NAA15: variants seen among roughly 807,000 people sequenced by gnomAD.
NAA15 encodes the protein N-alpha-acetyltransferase 15, NatA auxiliary subunit, also known as N-terminal acetyltransferase.
A neutral mutation model predicts 114.0 loss-of-function variants in NAA15; 34 were observed. The observed-to-expected ratio is 0.30, with a 90% CI of 0.23 to 0.40. The LOEUF is 0.40. Among genes scored for constraint, NAA15 ranks in the 10% least tolerant of loss-of-function variants. The probability of loss-of-function intolerance (pLI) is 1.00; values close to 1 mark genes in which losing one functional copy is unlikely to be tolerated. For synonymous variants in NAA15, 340 were observed against 338.0 expected, an observed-to-expected ratio of 1.01 and a Z score of -0.06; for missense variants, 658 against 1,004.5, an observed-to-expected ratio of 0.66 and a Z score of 4.66.
chr4:139,322,647 T>G (rs1169167090), intron 1 of NAA15, among the ~76,000 whole-genome samples: 1 of 152,200 alleles, frequency 6.6e-6, no homozygotes, highest in Non-Finnish European at 1.5e-5. Context: ...TTCATAGACC[T>G]TTGCTGTGTA....
intron 14 of NAA15, among the ~76,000 whole-genome samples, chr4:139,367,285 T>G (rs992566670): frequency 2.0e-5 from 3 of 152,182 alleles, no homozygotes; most frequent in African/African-American, 7.2e-5. Flanking sequence ...ACTGGAATAA[T>G]TTTCTGTGGC....
At chr4:139,310,539 C>T (rs1470600140) in intron 1 of NAA15, among the ~76,000 whole-genome samples, 2 of 151,632 alleles carry the variant, frequency 1.3e-5, no homozygotes, top group Admixed American at 6.6e-5. Flanking sequence ...ATTTTCTCCC[C>T]CAGATACCTG....
At chr4:139,313,563 C>T (rs1333459006) in intron 1 of NAA15, among the ~76,000 whole-genome samples, 2 of 145,142 alleles carry the variant, frequency 1.4e-5, no homozygotes, top group Non-Finnish European at 1.5e-5. Flanking sequence ...TTTTTTGAGA[C>T]GGAGTTTCGC....
Position 139,344,274 on chromosome 4 carries a change from C to G in NAA15, c.626C>G (p.Ala209Gly). The G allele has an allele frequency of 3.1e-6, 5 of 1,613,060 alleles. No homozygotes were observed. The highest frequency in any genetic ancestry group is 4.2e-6 in the Non-Finnish European group (5 of 1,179,356). Residue 209 changes from alanine (A) to glycine (G), a missense_variant, in exon 6 of 20, where the codon GCT becomes GGT. Ala to Gly is a moderately conservative substitution (Grantham distance 60). Coordinates refer to ENST00000296543, the MANE Select transcript of NAA15 (RefSeq NM_057175.5). The stretch of plus-strand genomic sequence containing the variant: ...CGGGAAGCAGGTCTCTATAGAGAAG[C>G]TTTGGAACATCTTTGTACCTATGAA... ...VLREAGLYRE[A>G]LEHLCTYEKQ...
chr4:139,346,829 A>AT, intron 6 of NAA15, among the ~76,000 whole-genome samples: 1 of 152,120 alleles, frequency 6.6e-6, no homozygotes, highest in Non-Finnish European at 1.5e-5. Flanking sequence ...CCTAGGCAAA[A>AT]TTTTTTATTG....
At chr4:139,312,471 C>T (rs935674930) in intron 1 of NAA15, among the ~76,000 whole-genome samples, 1 of 151,712 alleles carries the variant, frequency 6.6e-6, no homozygotes, top group Non-Finnish European at 1.5e-5. Context: ...TTTTTTTCCT[C>T]CTAGGTAAGA....
At chr4:139,312,318 T>C (rs994723213) in intron 1 of NAA15, among the ~76,000 whole-genome samples, 1 of 151,922 alleles carries the variant, frequency 6.6e-6, no homozygotes, top group Admixed American at 6.6e-5. Context: ...AATTTTATGC[T>C]GTGGTTGTAT....
intron 1 of NAA15, among the ~76,000 whole-genome samples, chr4:139,330,629 A>T (rs1048435709): frequency 1.3e-5 from 2 of 152,176 alleles, no homozygotes; most frequent in Non-Finnish European, 2.9e-5. Context: ...AATCAACTCT[A>T]TCTTCAGGAT....
chr4:139,363,077 A>G (rs958963227), intron 14 of NAA15, among the ~76,000 whole-genome samples: 9 of 152,184 alleles, frequency 5.9e-5, no homozygotes, highest in African/African-American at 2.2e-4. Flanking sequence ...ATATCACTTG[A>G]ATCTCTTTCT....
In NAA15 at chr4:139,321,502, C is replaced by T. The variant is rs10032107; in HGVS notation, c.55-12672C>T. 1.5e-3 allele frequency among the ~76,000 whole-genome samples: 189 copies of T among 129,990 alleles called. 2 individuals carry two copies. Among genetic ancestry groups the T allele is most frequent in the African/African-American group, 5.4e-3 (181 of 33,280 alleles). The allele number at this position is 129,990 out of a possible 152,430, so 85.3% of individuals were successfully genotyped here. On this transcript the variant is annotated intron_variant, in intron 1 of 19. Coordinates refer to ENST00000296543, the MANE Select transcript of NAA15 (RefSeq NM_057175.5). ...TTTTTTTTTTTTTGAAACGGAGTCT[C>T]GCTTTGTTGCCCAGGCTGGAGTGCA...
At position 139,359,418 on chromosome 4, in the gene NAA15, C is replaced by T. The variant is rs560322483; in HGVS notation, c.1258-325C>T. Among the ~76,000 whole-genome samples, 34 of 152,244 alleles carry T rather than the reference C, an allele frequency of 2.2e-4. 1 individual carries two copies. In the South Asian group the frequency reaches 6.0e-3, roughly 27 times the overall value. On this transcript the variant is annotated intron_variant, in intron 11 of 19. Coordinates refer to ENST00000296543, the MANE Select transcript of NAA15 (RefSeq NM_057175.5). ...CTGGGATTACAGGCATGAGCTACAGCGCCCGGCCTTATTTATTCTTTAACA... is the reference window on the plus strand; with the variant it reads ...CTGGGATTACAGGCATGAGCTACAGTGCCCGGCCTTATTTATTCTTTAACA...
Position 139,335,030 on chromosome 4 carries a change from A to G in NAA15, c.139+772A>G, listed in dbSNP as rs565234226. ...AATGGAGATAAAAGTATTTAAATTT[A>G]TCTCTCTGCTGGGTGCTGGGGCTCA... On this transcript the variant is annotated intron_variant, in intron 2 of 19. Coordinates refer to ENST00000296543, the MANE Select transcript of NAA15 (RefSeq NM_057175.5). 2.7e-4 allele frequency among the ~76,000 whole-genome samples: 41 copies of G among 152,178 alleles called. 1 individual carries two copies. Among genetic ancestry groups the G allele is most frequent in the African/African-American group, 8.9e-4 (37 of 41,540 alleles).
At chr4:139,370,062 C>A in intron 14 of NAA15, 149 bp from the exon 15 acceptor site, 2 of 559,012 alleles carry the variant, frequency 3.6e-6, no homozygotes, top group Non-Finnish European at 5.5e-6. Flanking sequence ...ACCTTGGCCT[C>A]CCAAAGTGCT....
chr4:139,391,135 A>G lies in NAA15; in HGVS notation c.*3051A>G, dbSNP rs1418834487. On this transcript the variant is annotated 3_prime_UTR_variant, in exon 20 of 20. Coordinates refer to ENST00000296543, the MANE Select transcript of NAA15 (RefSeq NM_057175.5). ...TGAATCTTTGAGATTTCAAAGAAAG[A>G]CTGACCTTTCAAATAGAAGGCGGTC... is the stretch of plus-strand genomic sequence containing the variant. The G allele has an allele frequency of 2.0e-5, 3 of 152,232 alleles. No individual in the cohort carries two copies. Among genetic ancestry groups the G allele is most frequent in the African/African-American group, 7.2e-5 (3 of 41,460 alleles). The allele number at this position is 152,232 out of a possible 1,614,324, so 9.4% of individuals were successfully genotyped here. A position where few individuals can be genotyped will look rare whatever the true frequency, so the allele number is the denominator to read the frequency against.
chr4:139,357,715 A>G (rs1748001255), intron 11 of NAA15, among the ~76,000 whole-genome samples, 160 bp downstream of exon 11: 1 of 152,216 alleles, frequency 6.6e-6, no homozygotes. Flanking sequence ...TTACTTTGAG[A>G]CTTGTGGTCA....
chr4:139,387,289 C>T (rs1028083463), intron 19 of NAA15, among the ~76,000 whole-genome samples: 2 of 152,102 alleles, frequency 1.3e-5, no homozygotes, highest in African/African-American at 4.8e-5. Flanking sequence ...AAGAAGCAGA[C>T]TTACTTAGGG....
At chr4:139,343,058 A>G in intron 5 of NAA15, 98 bp downstream of exon 5, 2 of 1,116,750 alleles carry the variant, frequency 1.8e-6, no homozygotes, top group Non-Finnish European at 2.5e-6. Flanking sequence ...AATAGTTTCA[A>G]ACTTATAGAA....
chr4:139,371,446 C>T (rs1490631518), intron 15 of NAA15, among the ~76,000 whole-genome samples: 1 of 144,016 alleles, frequency 6.9e-6, no homozygotes, highest in Non-Finnish European at 1.5e-5. Flanking sequence ...GTACTCCAGC[C>T]TGGGAGACAT....
intron 13 of NAA15, among the ~76,000 whole-genome samples, chr4:139,360,998 A>G (rs1305748550): frequency 6.6e-6 from 1 of 152,154 alleles, no homozygotes; most frequent in Non-Finnish European, 1.5e-5. Flanking sequence ...CCTTGGTAAG[A>G]TATAAATGTT....
Sources: allele counts gnomAD v4.1 joint callset (sites outside exome capture counted in the v4.1 genomes callset), GRCh38; gene constraint gnomAD v4.1.1; transcripts MANE v1.5; gene names NCBI Gene and HGNC (gene_info 2026-07-23, HGNC 2026-07-21).